AKAP7: variants seen among roughly 807,000 people sequenced by gnomAD.
AKAP7 encodes A-kinase anchoring protein 7, also known as A kinase (PRKA) anchor protein 7.
Under a neutral mutation model 39.5 loss-of-function variants are expected in AKAP7, and 39 were observed. That is an observed-to-expected ratio of 0.99 (90% CI 0.76 to 1.29). AKAP7 has a LOEUF of 1.29. Among genes scored for constraint, AKAP7 ranks in the 50% most tolerant of loss-of-function variants. The pLI is 0.00. For missense variants in AKAP7, 414 were observed against 407.7 expected (o/e 1.02, Z -0.13); for synonymous variants, 140 against 139.1 (o/e 1.01, Z -0.05).
In AKAP7 at chr6:131,148,572, T is replaced by A. The variant is rs75658633; in HGVS notation, c.151+3156T>A. On this transcript the variant is annotated intron_variant, in intron 2 of 7. Coordinates refer to ENST00000431975, the MANE Select transcript of AKAP7 (RefSeq NM_016377.4). The stretch of plus-strand genomic sequence containing the variant: ...TAAAATAACGAATAAATGTTATTTA[T>A]AAAACCTTTGAAACGTACCCCTTAG... Among the ~76,000 whole-genome samples, 21 of 152,334 alleles carry A rather than the reference T, an allele frequency of 1.4e-4. No individual in the cohort carries two copies. The East Asian group carries it at 2.1e-3, about 15-fold the overall frequency.
At chr6:131,206,241 C>CT (rs1209850799) in intron 6 of AKAP7, among the ~76,000 whole-genome samples, 1 of 152,210 alleles carries the variant, frequency 6.6e-6, no homozygotes, top group Non-Finnish European at 1.5e-5. Context: ...ATTTATGACT[C>CT]TTTCAAATTA....
intron 7 of AKAP7, among the ~76,000 whole-genome samples, chr6:131,231,071 GTTAAC>G (rs565742172): frequency 3.8e-4 from 58 of 152,200 alleles, no homozygotes; most frequent in African/African-American, 1.4e-3. Flanking sequence ...TCTGTAGATA[GTTAAC>G]TTAATTTTGA....
At chr6:131,130,848 C>T (rs1800310616), upstream of AKAP7, among the ~76,000 whole-genome samples, 1 of 151,932 alleles carries the variant, frequency 6.6e-6, no homozygotes, top group Admixed American at 6.6e-5. Context: ...GGACTGGCGT[C>T]TTGGCATGAG....
At chr6:131,130,097 C>G in the AKAP7 span, among the ~76,000 whole-genome samples, 1 of 152,172 alleles carries the variant, frequency 6.6e-6, no homozygotes, top group East Asian at 1.9e-4. Flanking sequence ...GTTTCAGGAA[C>G]AGTGTGGCAA....
chr6:131,163,530 T>C (rs1803189644), intron 3 of AKAP7, among the ~76,000 whole-genome samples: 1 of 152,222 alleles, frequency 6.6e-6, no homozygotes, highest in African/African-American at 2.4e-5. Context: ...TGCTCTACTT[T>C]TGGCCTCTAC....
intron 5 of AKAP7, among the ~76,000 whole-genome samples, chr6:131,172,981 G>A (rs1411703402): frequency 2.6e-5 from 4 of 152,062 alleles, no homozygotes; most frequent in Non-Finnish European, 5.9e-5. Flanking sequence ...CAGATCGTGA[G>A]GTCAGGAGTG....
intron 6 of AKAP7, among the ~76,000 whole-genome samples, chr6:131,218,183 CA>C (rs1809359899): frequency 6.6e-6 from 1 of 151,980 alleles, no homozygotes; most frequent in African/African-American, 2.4e-5. Context: ...AAACATGCAT[CA>C]ATAGAAACAT....
At chr6:131,266,747 T>C (rs533594883) in intron 7 of AKAP7, among the ~76,000 whole-genome samples, 1 of 152,234 alleles carries the variant, frequency 6.6e-6, no homozygotes, top group East Asian at 1.9e-4. Flanking sequence ...TTCATTTTTA[T>C]GATATTTCTA....
intron 6 of AKAP7, among the ~76,000 whole-genome samples, chr6:131,203,211 G>A (rs1807773227): frequency 6.6e-6 from 1 of 152,172 alleles, no homozygotes; most frequent in Non-Finnish European, 1.5e-5. Context: ...GGTTTGGTAT[G>A]TAGATTATTT....
chr6:131,182,411 T>C (rs1805356143), intron 5 of AKAP7, among the ~76,000 whole-genome samples: 2 of 152,234 alleles, frequency 1.3e-5, no homozygotes, highest in South Asian at 2.1e-4. Context: ...TATTTATCTT[T>C]TTGTGACTGG....
At chr6:131,276,277 G>T (rs1441928440) in intron 7 of AKAP7, among the ~76,000 whole-genome samples, 1 of 152,024 alleles carries the variant, frequency 6.6e-6, no homozygotes, top group African/African-American at 2.4e-5. Context: ...ATGTGTTGGG[G>T]GTGAGTTTTG....
chr6:131,133,951 T>A (rs1001663673), upstream of AKAP7, among the ~76,000 whole-genome samples: 1 of 152,178 alleles, frequency 6.6e-6, no homozygotes, highest in Non-Finnish European at 1.5e-5. Flanking sequence ...CTTTCTGGTA[T>A]GGGTGAGTGG....
At chr6:131,204,353 A>G (rs961949657) in intron 6 of AKAP7, among the ~76,000 whole-genome samples, 3 of 152,214 alleles carry the variant, frequency 2.0e-5, no homozygotes, top group Admixed American at 1.3e-4. Context: ...AGTAGATATA[A>G]GGATTCTATA....
chr6:131,270,658 C>A (rs1467555617), intron 7 of AKAP7, among the ~76,000 whole-genome samples: 1 of 152,134 alleles, frequency 6.6e-6, no homozygotes. Flanking sequence ...ACTGTTTTTA[C>A]CAAGTGGCTA....
At chr6:131,149,765 G>T (rs1001606889) in intron 2 of AKAP7, among the ~76,000 whole-genome samples, 1 of 152,218 alleles carries the variant, frequency 6.6e-6, no homozygotes, top group Non-Finnish European at 1.5e-5. Context: ...GGTCTTTGCT[G>T]TTTACAAGGG....
chr6:131,204,404 A>G (rs1351654611), intron 6 of AKAP7, among the ~76,000 whole-genome samples: 1 of 152,224 alleles, frequency 6.6e-6, no homozygotes, highest in African/African-American at 2.4e-5. Context: ...TCTTTAGTAT[A>G]TAAAATCTAT....
intron 6 of AKAP7, among the ~76,000 whole-genome samples, chr6:131,209,970 G>A (rs1229093050): frequency 1.3e-5 from 2 of 152,138 alleles, no homozygotes; most frequent in Non-Finnish European, 2.9e-5. Context: ...CACTCAAATG[G>A]TCACATAAAA....
intron 6 of AKAP7, 120 bp downstream of exon 6, chr6:131,199,693 G>C: frequency 1.2e-6 from 1 of 845,850 alleles, no homozygotes; most frequent in Non-Finnish European, 1.9e-6. Context: ...GGGTTTCCAA[G>C]TCAGGTTGGT....
intron 5 of AKAP7, among the ~76,000 whole-genome samples, chr6:131,177,022 C>T (rs973949531): frequency 2.6e-5 from 4 of 152,160 alleles, no homozygotes. Flanking sequence ...TTGCATATGC[C>T]TCCAAGCACA....
Sources: allele counts gnomAD v4.1 joint callset (sites outside exome capture counted in the v4.1 genomes callset), GRCh38; gene constraint gnomAD v4.1.1; transcripts MANE v1.5; gene names NCBI Gene and HGNC (gene_info 2026-07-23, HGNC 2026-07-21).